Variants in DDX31 observed in about 807,000 individuals in gnomAD.
DDX31 encodes DEAD-box helicase 31.
A neutral mutation model predicts 91.3 loss-of-function variants in DDX31; 70 were observed. That is an observed-to-expected ratio of 0.77 (90% confidence interval 0.63 to 0.94). The LOEUF (loss-of-function observed/expected upper bound fraction) is 0.94, where lower values mean the gene tolerates loss of function less well. Ranked by LOEUF, DDX31 falls within the 40% of genes least tolerant of loss-of-function variation. The probability of loss-of-function intolerance (pLI) is 0.00; values close to 1 mark genes in which losing one functional copy is unlikely to be tolerated. For synonymous variants in DDX31, 362 were observed against 350.6 expected (o/e 1.03, Z -0.36); for missense variants, 902 against 925.0 (o/e 0.98, Z 0.32).
chr9:132,594,674 C>T lies in DDX31; in HGVS notation c.*192G>A. On this transcript the variant is annotated 3_prime_UTR_variant, in exon 20 of 20. Transcript: ENST00000372159. ...GGGAGCTGGCTAGTCTCTACAGTGC[C>T]CCACACCACTGATTTCTATCAGGCT... 1.1e-6 allele frequency: 1 copy of T among 904,206 alleles called. No individual in the cohort carries two copies. Among genetic ancestry groups the T allele is most frequent in the Non-Finnish European group, 1.7e-6 (1 of 602,162 alleles). The allele number at this position is 904,206 out of a possible 1,614,324, so 56.0% of individuals were successfully genotyped here.
At chr9:132,667,788 C>T (rs1478526893) in intron 1 of DDX31, among the ~76,000 whole-genome samples, 1 of 152,142 alleles carries the variant, frequency 6.6e-6, no homozygotes, top group African/African-American at 2.4e-5. Context: ...CCCCACTGAC[C>T]TCCTGATGTA....
intron 19 of DDX31, among the ~76,000 whole-genome samples, chr9:132,598,488 C>T (rs566440802): frequency 2.0e-5 from 3 of 152,208 alleles, no homozygotes; most frequent in Non-Finnish European, 4.4e-5. Flanking sequence ...TAAACCCCCC[C>T]TCAGTTACCA....
At chr9:132,667,113 T>C (rs1835364652) in intron 1 of DDX31, among the ~76,000 whole-genome samples, 1 of 151,766 alleles carries the variant, frequency 6.6e-6, no homozygotes, top group Admixed American at 6.6e-5. Flanking sequence ...CCTCCCAAAG[T>C]GATGAGATTA....
At chr9:132,638,220 C>A in intron 14 of DDX31, 1 of 1,543,304 alleles carries the variant, frequency 6.5e-7, no homozygotes, top group Non-Finnish European at 8.8e-7. Context: ...CGGAGACCAA[C>A]AGAAAACCTA....
chr9:132,664,535 C>T (rs4962204), intron 1 of DDX31, among the ~76,000 whole-genome samples: 2 of 151,812 alleles, frequency 1.3e-5, no homozygotes, highest in Admixed American at 1.3e-4. Context: ...ATGGTGAAAC[C>T]CTGTCTCTAC....
intron 18 of DDX31, among the ~76,000 whole-genome samples, chr9:132,615,595 C>T (rs1215110443): frequency 6.6e-6 from 1 of 152,226 alleles, no homozygotes; most frequent in Admixed American, 6.5e-5. Context: ...CCCTTCCAAA[C>T]AGGCATAAAT....
At chr9:132,648,376 G>C (rs1402166745) in intron 10 of DDX31, 56 bp downstream of exon 10, 1 of 1,606,606 alleles carries the variant, frequency 6.2e-7, no homozygotes, top group East Asian at 2.2e-5. Context: ...GTTGCAACAA[G>C]GAGAGGAGAA....
intron 13 of DDX31, among the ~76,000 whole-genome samples, chr9:132,643,103 C>T (rs1833601618): frequency 6.6e-6 from 1 of 152,170 alleles, no homozygotes; most frequent in South Asian, 2.1e-4. Flanking sequence ...GGATTACAGG[C>T]GTGAGCCACC....
At chr9:132,632,176 C>T in intron 14 of DDX31, 85 bp from the exon 15 acceptor site, 2 of 1,296,510 alleles carry the variant, frequency 1.5e-6, no homozygotes, top group Non-Finnish European at 2.1e-6. Context: ...TTAATGCAAA[C>T]TCTGAGAGTT....
chr9:132,618,509 A>G, intron 17 of DDX31, 68 bp from the exon 18 acceptor site: 2 of 1,338,674 alleles, frequency 1.5e-6, no homozygotes, highest in Non-Finnish European at 2.1e-6. Flanking sequence ...GCAGTTTATA[A>G]TAGATTTAAT....
Position 132,658,234 on chromosome 9 carries a change from T to C in DDX31, c.588+437A>G. 8.6e-6 allele frequency: 6 copies of C among 701,168 alleles called. No homozygotes were observed. The South Asian group carries it at 8.9e-5, about 10-fold the overall frequency. 43.4% of individuals were successfully genotyped at this position (701,168 alleles called of 1,614,324 possible). On this transcript the variant is annotated intron_variant, in intron 6 of 19. Coordinates refer to ENST00000372159, the MANE Select transcript of DDX31 (RefSeq NM_022779.9). ...AGTCTTCACACAAGAGTAAGGAGCT[T>C]GGTCTCTGCAGCCAAACAGAACTGA...
chr9:132,642,201 A>G, intron 13 of DDX31, 138 bp from the exon 14 acceptor site: 1 of 753,662 alleles, frequency 1.3e-6, no homozygotes, highest in Non-Finnish European at 2.2e-6. Flanking sequence ...GGAAAGAGGA[A>G]GAAGCGGATT....
At chr9:132,646,583 C>T (rs1833853247) in intron 12 of DDX31, among the ~76,000 whole-genome samples, 1 of 152,164 alleles carries the variant, frequency 6.6e-6, no homozygotes, top group South Asian at 2.1e-4. Flanking sequence ...TAATATCAGT[C>T]CCAGGAAAGG....
At chr9:132,616,019 T>C (rs1420407599) in intron 18 of DDX31, among the ~76,000 whole-genome samples, 1 of 152,224 alleles carries the variant, frequency 6.6e-6, no homozygotes, top group Non-Finnish European at 1.5e-5. Flanking sequence ...ATATGCAGAT[T>C]GAAATGCAAA....
chr9:132,640,686 G>T (rs1020000937), intron 14 of DDX31, among the ~76,000 whole-genome samples: 1 of 151,896 alleles, frequency 6.6e-6, no homozygotes, highest in Non-Finnish European at 1.5e-5. Flanking sequence ...AATATTTTTT[G>T]TAGAGACGGG....
At chr9:132,662,847 C>G (rs914482959) in intron 1 of DDX31, 152 bp from the exon 2 acceptor site, 5 of 1,150,230 alleles carry the variant, frequency 4.3e-6, no homozygotes, top group Non-Finnish European at 3.6e-6. Context: ...GGTTTGCAAT[C>G]AGACTCTTTG....
intron 14 of DDX31, among the ~76,000 whole-genome samples, chr9:132,634,526 G>A (rs1832978260): frequency 1.3e-5 from 2 of 149,164 alleles, no homozygotes; most frequent in Admixed American, 6.7e-5. Context: ...GAAATTTAAT[G>A]CTGAATAGCA....
intron 19 of DDX31, among the ~76,000 whole-genome samples, chr9:132,608,713 CA>C (rs1831162472): frequency 6.6e-6 from 1 of 152,162 alleles, no homozygotes; most frequent in Admixed American, 6.6e-5. Context: ...TTCACCCATA[CA>C]AAACATAAGG....
At position 132,662,630 on chromosome 9, in the gene DDX31, G is replaced by A. The variant is rs71503153; in HGVS notation, c.141C>T (p.Asn47=). ...TCTTGGCTGGGAGAAATGAAGTTTC[G>A]TTCCTCCGTTTCGCTGGGGGAGCCT... ...SSEAPPAKRR[N]ETSFLPAKKT... Residue 47 remains asparagine (N), a synonymous_variant, in exon 2 of 20, where the codon AAC becomes AAT. Transcript: ENST00000372159. 978 of 1,614,128 alleles carry A rather than the reference G, an allele frequency of 6.1e-4. 2 individuals are homozygous for A. The highest frequency in any genetic ancestry group is 7.6e-4 in the Non-Finnish European group (898 of 1,180,014).
Sources: allele counts gnomAD v4.1 joint callset (sites outside exome capture counted in the v4.1 genomes callset), GRCh38; gene constraint gnomAD v4.1.1; transcripts MANE v1.5; gene names NCBI Gene and HGNC (gene_info 2026-07-23, HGNC 2026-07-21).